CHRM2: variants seen among roughly 807,000 people sequenced by gnomAD.
The protein encoded by CHRM2 is muscarinic acetylcholine receptor M2.
CHRM2 carries 8 observed loss-of-function variants against 25.0 expected under a neutral mutation model. The observed-to-expected ratio is 0.32, with a 90% CI of 0.19 to 0.58. CHRM2 has a LOEUF of 0.58. CHRM2 is among the 20% of genes least tolerant of loss of function. The pLI is 0.88. For missense variants in CHRM2, 440 were observed against 567.1 expected (o/e 0.78, Z 2.28); for synonymous variants, 202 against 205.7 (o/e 0.98, Z 0.15).
intron 2 of CHRM2, among the ~76,000 whole-genome samples, chr7:136,988,137 AG>A (rs2131005412): frequency 6.6e-6 from 1 of 151,678 alleles, no homozygotes; most frequent in Admixed American, 6.6e-5. Flanking sequence ...ATCATTTTCC[AG>A]GGAAGGTTCT....
intron 2 of CHRM2, among the ~76,000 whole-genome samples, chr7:136,965,401 C>T (rs1357939606): frequency 6.6e-6 from 1 of 151,974 alleles, no homozygotes; most frequent in African/African-American, 2.4e-5. Context: ...ATTTATTTCT[C>T]ATGGACAAGA....
At chr7:136,947,151 T>C (rs570289037) in intron 2 of CHRM2, among the ~76,000 whole-genome samples, 55 of 152,318 alleles carry the variant, frequency 3.6e-4, no homozygotes, top group Middle Eastern at 3.4e-3. Flanking sequence ...GAAGGTCCTA[T>C]GTCCAAGGCC....
rs185957001 is a variant in CHRM2, at chr7:136,895,490, C to T, written c.-125+26072C>T. ...AGGACTGATAGGCAAGTTCTATGAA[C>T]CTTTTTTGGTGTTTCTGCTCTTTTG... On this transcript the variant is annotated intron_variant, in intron 2 of 3. Transcript: ENST00000680005. 1.2e-4 allele frequency among the ~76,000 whole-genome samples: 19 copies of T among 152,262 alleles called. No individual in the cohort carries two copies. The East Asian group carries it at 3.3e-3, about 26-fold the overall frequency.
intron 2 of CHRM2, among the ~76,000 whole-genome samples, chr7:136,887,222 A>T (rs1796502563): frequency 6.6e-6 from 1 of 152,220 alleles, no homozygotes; most frequent in African/African-American, 2.4e-5. Context: ...ATCTTATAAC[A>T]TCATGTTGTA....
At chr7:136,975,593 T>A (rs1243154426) in intron 2 of CHRM2, among the ~76,000 whole-genome samples, 11 of 152,326 alleles carry the variant, frequency 7.2e-5, no homozygotes, top group African/African-American at 2.6e-4. Flanking sequence ...AATCATCATA[T>A]TGCCATTCTT....
chr7:136,913,714 G>T (rs934180968), intron 2 of CHRM2, among the ~76,000 whole-genome samples: 1 of 151,812 alleles, frequency 6.6e-6, no homozygotes, highest in Admixed American at 6.6e-5. Context: ...TCACTTCAAT[G>T]ACATTTGCTT....
chr7:136,995,683 G>T (rs1803551370), intron 3 of CHRM2, among the ~76,000 whole-genome samples: 1 of 151,996 alleles, frequency 6.6e-6, no homozygotes, highest in South Asian at 2.1e-4. Context: ...AGGATTGCAT[G>T]GTCCTGGAAG....
chr7:136,958,592 G>A (rs1800871003), intron 2 of CHRM2, among the ~76,000 whole-genome samples: 2 of 151,622 alleles, frequency 1.3e-5, no homozygotes, highest in South Asian at 4.2e-4. Flanking sequence ...GAGAAACTGG[G>A]AATACAGGAG....
intron 2 of CHRM2, among the ~76,000 whole-genome samples, chr7:136,920,873 C>A (rs963570185): frequency 6.6e-6 from 1 of 152,026 alleles, no homozygotes; most frequent in East Asian, 1.9e-4. Flanking sequence ...GTTACTATCA[C>A]GAAAAATTCT....
chr7:136,996,170 T>C (rs936755843), intron 3 of CHRM2, among the ~76,000 whole-genome samples: 7 of 152,078 alleles, frequency 4.6e-5, no homozygotes, highest in African/African-American at 9.6e-5. Flanking sequence ...ATATAGTTTA[T>C]ATAAATTACA....
chr7:136,975,246 T>C (rs929434948), intron 2 of CHRM2, among the ~76,000 whole-genome samples: 3 of 152,172 alleles, frequency 2.0e-5, no homozygotes, highest in African/African-American at 7.2e-5. Flanking sequence ...AGAATTCACT[T>C]TCTTGTTTCC....
chr7:137,015,942 T>C lies in CHRM2; in HGVS notation c.1077T>C (p.Asn359=), dbSNP rs1300034524. Residue 359 remains asparagine (N), a synonymous_variant, in exon 4 of 4, where the codon AAT becomes AAC. Coordinates refer to ENST00000680005, the MANE Select transcript of CHRM2 (RefSeq NM_001006630.2). The surrounding 1 kb of genome is among the most constrained non-coding windows in gnomAD (Gnocchi z 5.1). ...SSGQNGDEKQ[N]IVARKIVKMT... The stretch of plus-strand genomic sequence containing the variant: ...GTCAGAATGGAGATGAAAAGCAGAA[T>C]ATTGTAGCCCGCAAGATTGTGAAGA... 2 of 1,612,956 alleles carry C rather than the reference T, an allele frequency of 1.2e-6. No homozygotes were observed. The highest frequency in any genetic ancestry group is 2.7e-5 in the African/African-American group (2 of 74,802).
At chr7:137,010,884 A>G (rs1462905992) in intron 3 of CHRM2, among the ~76,000 whole-genome samples, 1 of 151,896 alleles carries the variant, frequency 6.6e-6, no homozygotes, top group African/African-American at 2.4e-5. Context: ...GTTACTGGAT[A>G]GAGTATAATT....
intron 3 of CHRM2, among the ~76,000 whole-genome samples, chr7:136,999,098 C>T (rs1397134111): frequency 6.6e-6 from 1 of 152,032 alleles, no homozygotes; most frequent in Non-Finnish European, 1.5e-5. Flanking sequence ...AACACTGTTG[C>T]TAATTCATGT....
chr7:136,927,001 T>C (rs967914878), intron 2 of CHRM2, among the ~76,000 whole-genome samples: 2 of 151,990 alleles, frequency 1.3e-5, no homozygotes, highest in Admixed American at 6.6e-5. Flanking sequence ...AAGTCACCAA[T>C]TGCTTCATAC....
chr7:136,930,768 G>A (rs894137534), intron 2 of CHRM2, among the ~76,000 whole-genome samples: 5 of 151,500 alleles, frequency 3.3e-5, no homozygotes, highest in Non-Finnish European at 2.9e-5. Flanking sequence ...GTGGTGGCGG[G>A]CACCTGTAGT....
intron 2 of CHRM2, among the ~76,000 whole-genome samples, chr7:136,979,373 A>T (rs1232508271): frequency 1.3e-5 from 2 of 151,958 alleles, no homozygotes; most frequent in Non-Finnish European, 2.9e-5. Context: ...AGATTGCAAA[A>T]TTTTTCTCCT....
chr7:137,016,673 G>T lies in CHRM2; in HGVS notation c.*407G>T, dbSNP rs958663002. On this transcript the variant is annotated 3_prime_UTR_variant, in exon 4 of 4. Transcript: ENST00000680005. ...AGAGAAGGAAATGCCACAGTTACAA[G>T]GTAAACATGGAGACTTAAACATAAA... The T allele has an allele frequency of 1.5e-5, 3 of 205,900 alleles. No homozygotes were observed. The highest frequency in any genetic ancestry group is 3.3e-5 in the Non-Finnish European group (3 of 92,076). The allele number at this position is 205,900 out of a possible 1,614,324, so 12.8% of individuals were successfully genotyped here. A position where few individuals can be genotyped will look rare whatever the true frequency, so the allele number is the denominator to read the frequency against.
intron 2 of CHRM2, among the ~76,000 whole-genome samples, chr7:136,948,084 G>T (rs146657938): frequency 5.6e-4 from 85 of 152,246 alleles, no homozygotes; most frequent in African/African-American, 1.9e-3. Context: ...AGTTAACTGT[G>T]CTGCTGGAGT....
Sources: allele counts gnomAD v4.1 joint callset (sites outside exome capture counted in the v4.1 genomes callset), GRCh38; gene constraint gnomAD v4.1.1; non-coding constraint Gnocchi (gnomAD v3.1); transcripts MANE v1.5; gene names NCBI Gene and HGNC (gene_info 2026-07-23, HGNC 2026-07-21).